The following RABGAP1L variants were observed in gnomAD, a reference collection of about 807,000 sequenced individuals.
The protein encoded by RABGAP1L is rab GTPase-activating protein 1-like.
RABGAP1L carries 63 observed loss-of-function variants against 137.7 expected under a neutral mutation model. That is an observed-to-expected ratio of 0.46 (90% CI 0.37 to 0.56). The LOEUF (loss-of-function observed/expected upper bound fraction) is 0.56, where lower values mean the gene tolerates loss of function less well. Among genes scored for constraint, RABGAP1L ranks in the 20% least tolerant of loss-of-function variants. The pLI, the probability that RABGAP1L is intolerant of heterozygous loss-of-function variation, is 0.00. For missense variants in RABGAP1L, 1,095 were observed against 1,244.0 expected (o/e 0.88, Z 1.80); for synonymous variants, 431 against 433.7 (o/e 0.99, Z 0.08).
intron 19 of RABGAP1L, among the ~76,000 whole-genome samples, chr1:174,939,548 A>C (rs76573722): frequency 8.6e-5 from 9 of 104,748 alleles, no homozygotes; most frequent in South Asian, 2.2e-4. Context: ...TCTGTCTCAC[A>C]AAAAAAAAAA....
At chr1:174,727,125 A>T (rs1682051552) in intron 17 of RABGAP1L, among the ~76,000 whole-genome samples, 1 of 152,176 alleles carries the variant, frequency 6.6e-6, no homozygotes, top group African/African-American at 2.4e-5. Flanking sequence ...AGATAATAAT[A>T]TCAATTTCTT....
chr1:174,514,247 CAAAAAAAAAAAA>C (rs776487855), intron 13 of RABGAP1L, among the ~76,000 whole-genome samples: 1 of 81,072 alleles, frequency 1.2e-5, no homozygotes, highest in East Asian at 3.6e-4. Flanking sequence ...TATTTTAAGC[CAAAAAAAAAAAA>C]AAAAAAAAAA....
At chr1:174,731,441 T>C (rs778596445) in intron 17 of RABGAP1L, among the ~76,000 whole-genome samples, 3 of 152,258 alleles carry the variant, frequency 2.0e-5, no homozygotes, top group Non-Finnish European at 2.9e-5. Flanking sequence ...CAGTGTACTT[T>C]GATAACTTTT....
intron 20 of RABGAP1L, among the ~76,000 whole-genome samples, chr1:174,958,402 T>C (rs955534775): frequency 3.9e-5 from 6 of 152,156 alleles, no homozygotes; most frequent in African/African-American, 1.4e-4. Flanking sequence ...TAAAATATTA[T>C]CTCTCTTCAA....
chr1:174,401,502 A>C (rs139164323), intron 13 of RABGAP1L, among the ~76,000 whole-genome samples: 9 of 152,188 alleles, frequency 5.9e-5, no homozygotes, highest in Non-Finnish European at 1.0e-4. Flanking sequence ...ATCATCAGAA[A>C]GTACTATAGG....
intron 19 of RABGAP1L, among the ~76,000 whole-genome samples, chr1:174,952,132 G>A (rs954340570): frequency 6.6e-6 from 1 of 151,908 alleles, no homozygotes; most frequent in Non-Finnish European, 1.5e-5. Flanking sequence ...GATCTGCGGT[G>A]TTGAAAAGCA....
chr1:174,758,290 CT>C (rs1253816769), intron 18 of RABGAP1L, among the ~76,000 whole-genome samples: 1 of 151,532 alleles, frequency 6.6e-6, no homozygotes, highest in Non-Finnish European at 1.5e-5. Context: ...TTCCTCACTC[CT>C]TTTTCCCCCT....
chr1:174,326,968 G>C (rs1680488026), intron 11 of RABGAP1L, among the ~76,000 whole-genome samples: 1 of 152,110 alleles, frequency 6.6e-6, no homozygotes, highest in South Asian at 2.1e-4. Context: ...ACACAGTAAA[G>C]CTATTTTTTT....
intron 11 of RABGAP1L, among the ~76,000 whole-genome samples, chr1:174,363,405 C>T (rs1684311168): frequency 1.3e-5 from 2 of 152,148 alleles, no homozygotes; most frequent in Admixed American, 6.5e-5. Flanking sequence ...ATTGCTTCTT[C>T]CTGTATATGA....
chr1:174,896,443 A>G (rs988741224), intron 19 of RABGAP1L, among the ~76,000 whole-genome samples: 7 of 152,112 alleles, frequency 4.6e-5, no homozygotes, highest in East Asian at 1.9e-4. Flanking sequence ...CTTTAGTTTA[A>G]TTAGATCCCA....
chr1:174,542,531 T>C (rs930903511), intron 13 of RABGAP1L, among the ~76,000 whole-genome samples: 23 of 152,192 alleles, frequency 1.5e-4, no homozygotes, highest in Admixed American at 7.2e-4. Flanking sequence ...TTGTTGATCT[T>C]TTCAAAAAAC....
intron 18 of RABGAP1L, among the ~76,000 whole-genome samples, chr1:174,782,068 T>C (rs1215017154): frequency 1.3e-5 from 2 of 152,220 alleles, no homozygotes; most frequent in South Asian, 4.1e-4. Context: ...TGGTTGCATA[T>C]GAACTTTAAA....
intron 1 of RABGAP1L, among the ~76,000 whole-genome samples, chr1:174,162,898 C>T (rs1486401858): frequency 8.3e-6 from 1 of 119,994 alleles, no homozygotes; most frequent in Non-Finnish European, 1.6e-5. Context: ...AATGAGATCA[C>T]ATGGACACAG....
chr1:174,665,334 G>GCCTGCCTT (rs1557964718), intron 14 of RABGAP1L, among the ~76,000 whole-genome samples: 1 of 151,520 alleles, frequency 6.6e-6, no homozygotes, highest in East Asian at 1.9e-4. Context: ...CTGCCTGCCT[G>GCCTGCCTT]CCTTCCTTCC....
chr1:174,175,681 A>C (rs188365394), intron 1 of RABGAP1L, among the ~76,000 whole-genome samples: 312 of 146,790 alleles, frequency 2.1e-3, no homozygotes, highest in Non-Finnish European at 3.1e-3. Flanking sequence ...GCTGGAGTGC[A>C]ATGGTGCGAT....
At chr1:174,623,045 C>T (rs1483873103) in intron 13 of RABGAP1L, among the ~76,000 whole-genome samples, 19 of 152,116 alleles carry the variant, frequency 1.2e-4, no homozygotes, top group Admixed American at 1.2e-3. Flanking sequence ...TGATCTGATA[C>T]AGATTTTTCA....
chr1:174,177,952 T>G (rs1400346907), intron 1 of RABGAP1L, among the ~76,000 whole-genome samples: 1 of 152,230 alleles, frequency 6.6e-6, no homozygotes, highest in Non-Finnish European at 1.5e-5. Context: ...TAAGGTTGTC[T>G]TGGCTATATG....
chr1:174,941,676 C>T (rs1336316733), intron 19 of RABGAP1L, among the ~76,000 whole-genome samples: 1 of 135,154 alleles, frequency 7.4e-6, no homozygotes, highest in African/African-American at 3.2e-5. Flanking sequence ...TCCTCCTCCC[C>T]CACCAAAACG....
intron 1 of RABGAP1L, among the ~76,000 whole-genome samples, chr1:174,210,369 C>A (rs930827860): frequency 6.6e-6 from 1 of 152,094 alleles, no homozygotes; most frequent in African/African-American, 2.4e-5. Flanking sequence ...AGAATTCTAT[C>A]AGATATATTG....
Sources: allele counts gnomAD v4.1 joint callset (sites outside exome capture counted in the v4.1 genomes callset), GRCh38; gene constraint gnomAD v4.1.1; transcripts MANE v1.5; gene names NCBI Gene and HGNC (gene_info 2026-07-23, HGNC 2026-07-21).